The following FRMD4A variants were observed in gnomAD, a reference collection of about 807,000 sequenced individuals.
FRMD4A encodes the protein FERM domain containing 4A, also known as FERM domain-containing protein 4A.
Under a neutral mutation model 129.1 loss-of-function variants are expected in FRMD4A, and 29 were observed. The ratio of observed to expected loss-of-function variants is 0.22; its 90% CI spans 0.17 to 0.31. The LOEUF is 0.31. FRMD4A is among the 10% of genes least tolerant of loss of function. FRMD4A has a pLI of 1.00. For missense variants in FRMD4A, 1,272 were observed against 1,375.8 expected, an observed-to-expected ratio of 0.92 and a Z score of 1.19; for synonymous variants, 634 against 571.6, an observed-to-expected ratio of 1.11 and a Z score of -1.56.
chr10:14,128,050 T>TTCTTTCTTTCTTTCTC (rs1222922280), intron 2 of FRMD4A, among the ~76,000 whole-genome samples: 325 of 17,166 alleles, frequency 0.019, 14 homozygotes, highest in African/African-American at 0.081. Context: ...CTTTCCCTCT[T>TTCTTTCTTTCTTTCTC]TCTTTCTTTC....
At chr10:13,884,146 T>TCACA (rs1352304619) in intron 2 of FRMD4A, among the ~76,000 whole-genome samples, 5,266 of 99,064 alleles carry the variant, frequency 0.053, 262 homozygotes, top group Middle Eastern at 0.11. Flanking sequence ...ACACACACTC[T>TCACA]CACACACTCT....
chr10:13,746,878 A>C (rs995434547), intron 9 of FRMD4A, among the ~76,000 whole-genome samples: 2 of 152,206 alleles, frequency 1.3e-5, no homozygotes, highest in African/African-American at 4.8e-5. Context: ...ACAACCTGGG[A>C]GTCTTTCAAA....
intron 2 of FRMD4A, among the ~76,000 whole-genome samples, chr10:13,913,307 T>C (rs1449789790): frequency 6.6e-6 from 1 of 152,194 alleles, no homozygotes; most frequent in African/African-American, 2.4e-5. Flanking sequence ...GTGGGGATGA[T>C]AGCTTATGAG....
chr10:14,185,607 A>T lies in FRMD4A; in HGVS notation c.45+144451T>A, dbSNP rs138042922. ...GTAAGAAAGAGAAACAGGTAGAGAG[A>T]CAGAAAGGGGATATATACTTCATGG... On this transcript the variant is annotated intron_variant, in intron 2 of 24. Coordinates refer to ENST00000357447, the MANE Select transcript of FRMD4A (RefSeq NM_018027.5). Among the ~76,000 whole-genome samples the T allele has an allele frequency of 9.7e-4, 137 of 140,828 alleles. 1 individual carries two copies. In the South Asian group the frequency reaches 0.011, roughly 12 times the overall value. 92.4% of individuals were successfully genotyped at this position (140,828 alleles called of 152,430 possible).
chr10:13,898,317 G>A (rs944814935), intron 2 of FRMD4A, among the ~76,000 whole-genome samples: 1 of 152,088 alleles, frequency 6.6e-6, no homozygotes, highest in African/African-American at 2.4e-5. Context: ...AGTGAGCTGA[G>A]ATTGTGCCAC....
At chr10:14,146,585 A>G (rs539356205) in intron 2 of FRMD4A, among the ~76,000 whole-genome samples, 1 of 152,332 alleles carries the variant, frequency 6.6e-6, no homozygotes, top group East Asian at 1.9e-4. Flanking sequence ...TCTGATGCCT[A>G]TAGAATCATG....
At chr10:13,699,641 T>A (rs1388673804) in intron 14 of FRMD4A, among the ~76,000 whole-genome samples, 6 of 151,808 alleles carry the variant, frequency 4.0e-5, no homozygotes, top group African/African-American at 9.7e-5. Context: ...GCGTGGGGGG[T>A]CTGCCGTCAA....
At chr10:14,272,607 A>T (rs982637747) in intron 2 of FRMD4A, among the ~76,000 whole-genome samples, 1 of 152,244 alleles carries the variant, frequency 6.6e-6, no homozygotes, top group Non-Finnish European at 1.5e-5. Flanking sequence ...TCAAGAATTT[A>T]TAAGAAAAGA....
At chr10:14,105,328 G>A (rs1234634110) in intron 2 of FRMD4A, among the ~76,000 whole-genome samples, 4 of 152,124 alleles carry the variant, frequency 2.6e-5, no homozygotes, top group African/African-American at 9.7e-5. Context: ...CACTTTGGGT[G>A]GCCAAGACCA....
chr10:13,688,673 G>GAAATAAAT (rs2085344686), intron 15 of FRMD4A, among the ~76,000 whole-genome samples: 1 of 151,982 alleles, frequency 6.6e-6, no homozygotes, highest in Admixed American at 6.6e-5. Context: ...GCTAATCCGT[G>GAAATAAAT]GCTCAGGGCA....
intron 2 of FRMD4A, among the ~76,000 whole-genome samples, chr10:13,974,651 C>T (rs965249615): frequency 3.3e-5 from 5 of 152,116 alleles, no homozygotes; most frequent in East Asian, 3.8e-4. Context: ...CTCAGCCTCC[C>T]GAGTACCTGG....
At chr10:14,039,843 G>A (rs747318514) in intron 2 of FRMD4A, among the ~76,000 whole-genome samples, 1 of 152,122 alleles carries the variant, frequency 6.6e-6, no homozygotes, top group African/African-American at 2.4e-5. Context: ...TCAGGACCTC[G>A]TGAGGCTGTG....
At chr10:14,295,244 C>T (rs1845973309) in intron 2 of FRMD4A, among the ~76,000 whole-genome samples, 1 of 152,156 alleles carries the variant, frequency 6.6e-6, no homozygotes, top group South Asian at 2.1e-4. Flanking sequence ...GATTTCACTC[C>T]TGCCTCCATG....
chr10:13,700,785 G>A (rs1338167777), intron 14 of FRMD4A, among the ~76,000 whole-genome samples: 1 of 143,212 alleles, frequency 7.0e-6, no homozygotes, highest in Non-Finnish European at 1.5e-5. Context: ...CAAGGCCCCA[G>A]GCTCTAGGTC....
chr10:13,917,658 A>C (rs1309146034), intron 2 of FRMD4A, among the ~76,000 whole-genome samples: 1 of 152,162 alleles, frequency 6.6e-6, no homozygotes, highest in Non-Finnish European at 1.5e-5. Context: ...CAAACAAATC[A>C]AGGACTGTAA....
chr10:14,192,784 G>A (rs959158870), intron 2 of FRMD4A, among the ~76,000 whole-genome samples: 1 of 152,152 alleles, frequency 6.6e-6, no homozygotes, highest in African/African-American at 2.4e-5. Context: ...ATTCTAAAAC[G>A]TAATGAATTC....
intron 4 of FRMD4A, among the ~76,000 whole-genome samples, chr10:13,800,173 C>T (rs1163323426): frequency 6.6e-6 from 1 of 152,156 alleles, no homozygotes; most frequent in Non-Finnish European, 1.5e-5. Context: ...CAGAGCGAGA[C>T]TCCATCTCAA....
intron 2 of FRMD4A, among the ~76,000 whole-genome samples, chr10:14,088,085 G>T (rs1425876688): frequency 6.6e-6 from 1 of 152,080 alleles, no homozygotes; most frequent in East Asian, 1.9e-4. Flanking sequence ...TAATTTATTT[G>T]CCTTTTTCTT....
At chr10:13,933,531 CATTACTACATT>C (rs1387484229) in intron 2 of FRMD4A, among the ~76,000 whole-genome samples, 1 of 152,142 alleles carries the variant, frequency 6.6e-6, no homozygotes, top group African/African-American at 2.4e-5. Flanking sequence ...CCACCAGTAA[CATTACTACATT>C]TGAAAGAATG....
Sources: gnomAD v4.1 joint callset for allele counts (sites outside exome capture counted in the v4.1 genomes callset) on GRCh38, gnomAD v4.1.1 for gene constraint, MANE v1.5 for transcripts, NCBI Gene and HGNC (gene_info 2026-07-23, HGNC 2026-07-21) for gene names.